The following SOX6 variants were observed in gnomAD, a reference collection of about 807,000 sequenced individuals.
The protein encoded by SOX6 is transcription factor SOX-6.
In SOX6, 11 loss-of-function variants were observed where a neutral mutation model predicts 97.8. That is an observed-to-expected ratio of 0.11 (90% CI 0.07 to 0.19). SOX6 has a LOEUF of 0.19. SOX6 is among the 10% of genes least tolerant of loss of function. The pLI, the probability that SOX6 is intolerant of heterozygous loss-of-function variation, is 1.00. For missense variants in SOX6, 810 were observed against 1,039.5 expected (o/e 0.78, Z 3.04); for synonymous variants, 360 against 371.4 (o/e 0.97, Z 0.35).
At chr11:16,461,214 A>G (rs923461632) in intron 1 of SOX6, among the ~76,000 whole-genome samples, 1 of 152,146 alleles carries the variant, frequency 6.6e-6, no homozygotes, top group Non-Finnish European at 1.5e-5. Flanking sequence ...TTTGCTTCCC[A>G]TAACATATAC....
At chr11:16,483,459 C>T (rs761683314) in intron 4 of SOX6, among the ~76,000 whole-genome samples, 1 of 151,978 alleles carries the variant, frequency 6.6e-6, no homozygotes, top group Non-Finnish European at 1.5e-5. Flanking sequence ...ACTACTTTAA[C>T]CTGGTAGATT....
intron 1 of SOX6, among the ~76,000 whole-genome samples, chr11:16,417,239 T>C (rs1858942772): frequency 6.6e-6 from 1 of 152,188 alleles, no homozygotes; most frequent in South Asian, 2.1e-4. Context: ...CCATCCAGAC[T>C]GTAACTGCAT....
chr11:16,347,116 A>T (rs1230336637), intron 1 of SOX6, among the ~76,000 whole-genome samples: 1 of 152,094 alleles, frequency 6.6e-6, no homozygotes, highest in Non-Finnish European at 1.5e-5. Flanking sequence ...ACATCACGTA[A>T]CTACCTCTGT....
intron 4 of SOX6, among the ~76,000 whole-genome samples, chr11:16,217,310 T>C (rs1852402465): frequency 6.6e-6 from 1 of 152,106 alleles, no homozygotes; most frequent in Admixed American, 6.5e-5. Context: ...GTTTGAACAG[T>C]AGAGGTGGTT....
intron 2 of SOX6, among the ~76,000 whole-genome samples, chr11:16,715,446 A>G (rs957458211): frequency 6.6e-6 from 1 of 152,192 alleles, no homozygotes; most frequent in African/African-American, 2.4e-5. Flanking sequence ...GCTATAATAA[A>G]TAAGATTTTT....
At chr11:16,104,221 A>G (rs1849018536) in intron 7 of SOX6, among the ~76,000 whole-genome samples, 1 of 151,980 alleles carries the variant, frequency 6.6e-6, no homozygotes, top group South Asian at 2.1e-4. Context: ...CTGAGTAGAT[A>G]TATTTAAATA....
chr11:16,288,651 T>G (rs1359497337), intron 3 of SOX6, among the ~76,000 whole-genome samples: 2 of 152,028 alleles, frequency 1.3e-5, no homozygotes, highest in Non-Finnish European at 2.9e-5. Context: ...TTAATATATA[T>G]AAGCCTATGA....
intron 1 of SOX6, chr11:16,402,670 T>C: frequency 6.2e-7 from 1 of 1,611,276 alleles, no homozygotes; most frequent in Non-Finnish European, 8.5e-7. Context: ...CCATTTTTCT[T>C]CTTTCCTTCC....
chr11:16,734,961 G>A (rs79646816), intron 2 of SOX6, among the ~76,000 whole-genome samples: 2,756 of 152,162 alleles, frequency 0.018, 75 homozygotes, highest in East Asian at 0.053. Flanking sequence ...TCAGAATATC[G>A]ACCTTATTCT....
At chr11:16,695,042 T>C (rs1848043246) in intron 3 of SOX6, among the ~76,000 whole-genome samples, 1 of 152,208 alleles carries the variant, frequency 6.6e-6, no homozygotes, top group South Asian at 2.1e-4. Flanking sequence ...CTTGAGCATA[T>C]GTGGGTTTTG....
At chr11:16,426,252 T>C (rs780096979) in intron 1 of SOX6, among the ~76,000 whole-genome samples, 1 of 54,626 alleles carries the variant, frequency 1.8e-5, no homozygotes, top group Non-Finnish European at 2.9e-5. Context: ...TGAGACTCCA[T>C]CTCAAAAAAA....
Position 15,972,996 on chromosome 11 carries a change from G to T in SOX6, c.2300C>A (p.Ala767Asp), listed in dbSNP as rs768330996. ...QMTSDCSSTSASPEPSLPVIQ... is the reference protein window; with the variant it reads ...QMTSDCSSTSDSPEPSLPVIQ... ...GACCGGGAGGCTGGGCTCCGGGCTG[G>T]CCGAGGTGCTAGAGCAGTCAGATGT... Residue 767 changes from alanine (A) to aspartate (D), a missense_variant, in exon 16 of 16, where the codon GCC (alanine) becomes GAC (aspartate). By Grantham distance (126) the Ala-to-Asp change is moderately radical. Coordinates refer to ENST00000683767, the MANE Select transcript of SOX6 (RefSeq NM_001367873.1). 3.7e-6 allele frequency: 6 copies of T among 1,614,062 alleles called. No homozygotes were observed. The South Asian group carries it at 6.6e-5, about 18-fold the overall frequency.
chr11:16,327,313 C>G (rs1417248520), intron 2 of SOX6, among the ~76,000 whole-genome samples: 3 of 152,128 alleles, frequency 2.0e-5, no homozygotes, highest in East Asian at 3.9e-4. Flanking sequence ...GATAGCTACT[C>G]TTATTAAATA....
rs1292124551 is a variant in SOX6 at position 15,971,355 on chromosome 11, G to A, written c.*1454C>T. The A allele has an allele frequency of 6.6e-6, 1 of 152,600 alleles. No homozygotes were observed. Among genetic ancestry groups the A allele is most frequent in the Non-Finnish European group, 1.5e-5 (1 of 68,052 alleles). 9.5% of individuals were successfully genotyped at this position (152,600 alleles called of 1,614,324 possible). On this transcript the variant is annotated 3_prime_UTR_variant, in exon 16 of 16. Coordinates refer to ENST00000683767, the MANE Select transcript of SOX6 (RefSeq NM_001367873.1). The stretch of plus-strand genomic sequence containing the variant: ...TGGGACAAGGCAACTCAGTGTAAAG[G>A]TGCCAGCCCATGACAGCTTCACTGA...
chr11:15,997,743 G>A (rs553722385), intron 13 of SOX6, among the ~76,000 whole-genome samples: 3 of 152,138 alleles, frequency 2.0e-5, no homozygotes, highest in Non-Finnish European at 2.9e-5. Flanking sequence ...GTGAACTACC[G>A]AATGCTTTCT....
intron 9 of SOX6, among the ~76,000 whole-genome samples, chr11:16,084,591 G>A (rs1456325936): frequency 3.9e-5 from 6 of 152,086 alleles, no homozygotes; most frequent in African/African-American, 1.4e-4. Context: ...GAGGTTCACA[G>A]GAAATTAGCT....
chr11:16,628,620 C>CAAA (rs71455891), intron 3 of SOX6, among the ~76,000 whole-genome samples: 4 of 103,158 alleles, frequency 3.9e-5, no homozygotes, highest in African/African-American at 1.2e-4. Context: ...GACTCCATCT[C>CAAA]AAAAAAAAAA....
intron 1 of SOX6, chr11:16,465,804 C>A (rs2133110694): frequency 6.6e-6 from 1 of 152,224 alleles, no homozygotes; most frequent in African/African-American, 2.4e-5. Context: ...AAGTTTATAT[C>A]AAACTGTGTG....
intron 1 of SOX6, among the ~76,000 whole-genome samples, chr11:16,372,636 T>C (rs1349290620): frequency 2.0e-5 from 3 of 152,048 alleles, no homozygotes; most frequent in Non-Finnish European, 4.4e-5. Flanking sequence ...TAACGACTGG[T>C]CACAAGAAGC....
Sources: gnomAD v4.1 joint callset for allele counts (sites outside exome capture counted in the v4.1 genomes callset) on GRCh38, gnomAD v4.1.1 for gene constraint, MANE v1.5 for transcripts, NCBI Gene and HGNC (gene_info 2026-07-23, HGNC 2026-07-21) for gene names.